The following LRRC4C variants were observed in gnomAD, a reference collection of about 807,000 sequenced individuals.
LRRC4C encodes leucine-rich repeat-containing protein 4C.
A neutral mutation model predicts 33.6 loss-of-function variants in LRRC4C; 5 were observed. The observed-to-expected ratio is 0.15, with a 90% CI of 0.08 to 0.31. LRRC4C has a LOEUF of 0.31. Among genes scored for constraint, LRRC4C ranks in the 10% least tolerant of loss-of-function variants. LRRC4C has a pLI of 1.00. For synonymous variants in LRRC4C, 329 were observed against 302.0 expected (o/e 1.09, Z -0.93); for missense variants, 560 against 796.7 (o/e 0.70, Z 3.58).
intron 1 of LRRC4C, among the ~76,000 whole-genome samples, chr11:41,424,286 G>T (rs1020772946): frequency 1.3e-5 from 2 of 151,766 alleles, no homozygotes; most frequent in African/African-American, 4.8e-5. Flanking sequence ...AAATAATCTG[G>T]GATTTTAACA....
chr11:40,921,902 A>C (rs1443335140), intron 2 of LRRC4C, among the ~76,000 whole-genome samples: 1 of 152,176 alleles, frequency 6.6e-6, no homozygotes, highest in Non-Finnish European at 1.5e-5. Flanking sequence ...GGTTCCTTAT[A>C]AACCACACTT....
At chr11:41,212,098 G>T (rs1283970937) in intron 1 of LRRC4C, among the ~76,000 whole-genome samples, 1 of 152,198 alleles carries the variant, frequency 6.6e-6, no homozygotes, top group Non-Finnish European at 1.5e-5. Context: ...GAGTGGAGGG[G>T]AATGGGGAAG....
At chr11:40,802,346 A>T (rs144380344) in intron 2 of LRRC4C, among the ~76,000 whole-genome samples, 31 of 152,246 alleles carry the variant, frequency 2.0e-4, no homozygotes, top group African/African-American at 7.2e-4. Flanking sequence ...GGTAATTTTA[A>T]AAAAAAACAA....
chr11:41,112,269 AC>A (rs1337288857), intron 1 of LRRC4C, among the ~76,000 whole-genome samples: 2 of 151,940 alleles, frequency 1.3e-5, no homozygotes, highest in Non-Finnish European at 2.9e-5. Context: ...AACAAGTAAA[AC>A]CTTTCTGGCC....
At chr11:40,610,117 G>A (rs960149948) in intron 3 of LRRC4C, among the ~76,000 whole-genome samples, 9 of 151,772 alleles carry the variant, frequency 5.9e-5, no homozygotes, top group Non-Finnish European at 1.3e-4. Flanking sequence ...ATGAATCTAT[G>A]AGAAAAAATC....
chr11:41,154,950 G>A (rs1944161618), intron 1 of LRRC4C, among the ~76,000 whole-genome samples: 1 of 152,138 alleles, frequency 6.6e-6, no homozygotes, highest in African/African-American at 2.4e-5. Context: ...GATCAGAGCA[G>A]GTGAGATATG....
chr11:41,277,701 G>A (rs976970319), intron 1 of LRRC4C, among the ~76,000 whole-genome samples: 1 of 152,072 alleles, frequency 6.6e-6, no homozygotes, highest in East Asian at 1.9e-4. Flanking sequence ...TATCTATAAT[G>A]TTACACATTC....
chr11:40,369,927 G>GA (rs966164551), intron 3 of LRRC4C, among the ~76,000 whole-genome samples: 3 of 152,086 alleles, frequency 2.0e-5, no homozygotes, highest in Non-Finnish European at 2.9e-5. Flanking sequence ...AATAGAGCAA[G>GA]AAAAAAGTGG....
chr11:40,986,057 G>T (rs112725333), intron 1 of LRRC4C, among the ~76,000 whole-genome samples: 63 of 152,058 alleles, frequency 4.1e-4, no homozygotes, highest in Non-Finnish European at 4.7e-4. Context: ...AGTAAAACTA[G>T]TGAATCTAGT....
Position 40,191,959 on chromosome 11 carries a change from C to CAAAT in LRRC4C, c.-96+49556_-96+49559dup, listed in dbSNP as rs892438996. Reference sequence around the variant, plus strand: ...TGGGTGACAGAGTGAGACCTTGTCTCAAATAAATAAATAAATAAAAGTCTA... The same window carrying CAAAT: ...TGGGTGACAGAGTGAGACCTTGTCTCAAATAAATAAATAAATAAATAAAAGTCTA... On this transcript the variant is annotated intron_variant, in intron 5 of 6. Coordinates refer to ENST00000528697, the MANE Select transcript of LRRC4C (RefSeq NM_001258419.2). Among the ~76,000 whole-genome samples the CAAAT allele has an allele frequency of 3.3e-5, 5 of 151,712 alleles. No individual in the cohort carries two copies. The South Asian group carries it at 6.3e-4, about 19-fold the overall frequency.
intron 5 of LRRC4C, among the ~76,000 whole-genome samples, chr11:40,181,263 C>T (rs1000154110): frequency 6.6e-6 from 1 of 152,068 alleles, no homozygotes; most frequent in Non-Finnish European, 1.5e-5. Context: ...CCATGCATAA[C>T]ACCACATATA....
At chr11:40,510,227 CAT>C (rs1194045646) in intron 3 of LRRC4C, among the ~76,000 whole-genome samples, 2 of 148,198 alleles carry the variant, frequency 1.3e-5, no homozygotes, top group Admixed American at 6.8e-5. Flanking sequence ...ATATATATCT[CAT>C]ATATATATAT....
In LRRC4C at chr11:41,183,390, G is replaced by A. The variant is rs192993734; in HGVS notation, c.-495-249667C>T. ...ACATACAATGGAGGTGGGGCATTGG[G>A]TAAATACAGCCACTCCAAATGGGAG... On this transcript the variant is annotated intron_variant, in intron 1 of 6. Transcript: ENST00000528697. Among the ~76,000 whole-genome samples the A allele has an allele frequency of 5.2e-3, 789 of 152,250 alleles. 1 individual carries two copies. Among genetic ancestry groups the A allele is most frequent in the Non-Finnish European group, 8.9e-3 (606 of 68,016 alleles).
intron 2 of LRRC4C, among the ~76,000 whole-genome samples, chr11:40,783,210 A>G (rs1950283463): frequency 6.6e-6 from 1 of 152,186 alleles, no homozygotes; most frequent in East Asian, 1.9e-4. Context: ...GTATGTCTAT[A>G]TAATTCAATT....
intron 3 of LRRC4C, among the ~76,000 whole-genome samples, chr11:40,612,077 A>G (rs1376877011): frequency 6.6e-6 from 1 of 151,828 alleles, no homozygotes; most frequent in African/African-American, 2.4e-5. Flanking sequence ...TCTCAAAATG[A>G]TATTTGCACT....
chr11:40,826,762 C>T (rs1049585470), intron 2 of LRRC4C, among the ~76,000 whole-genome samples: 2 of 151,876 alleles, frequency 1.3e-5, no homozygotes, highest in African/African-American at 4.8e-5. Context: ...TTCTCAGATA[C>T]TGTAAGGGAC....
At chr11:41,206,272 G>A (rs1180350598) in intron 1 of LRRC4C, among the ~76,000 whole-genome samples, 2 of 152,248 alleles carry the variant, frequency 1.3e-5, no homozygotes, top group African/African-American at 4.8e-5. Flanking sequence ...AGATTGAAAT[G>A]CCAAACTGAA....
intron 1 of LRRC4C, among the ~76,000 whole-genome samples, chr11:41,295,411 A>G (rs1194505383): frequency 2.0e-5 from 3 of 152,206 alleles, no homozygotes; most frequent in Non-Finnish European, 4.4e-5. Flanking sequence ...ACTCCTATTC[A>G]TGAAGACAAC....
At chr11:40,903,992 G>A (rs1385410846) in intron 2 of LRRC4C, among the ~76,000 whole-genome samples, 1 of 151,996 alleles carries the variant, frequency 6.6e-6, no homozygotes, top group African/African-American at 2.4e-5. Flanking sequence ...AGAAGTAACT[G>A]CAAAAATGAC....
Sources: allele counts gnomAD v4.1 joint callset (sites outside exome capture counted in the v4.1 genomes callset), GRCh38; gene constraint gnomAD v4.1.1; transcripts MANE v1.5; gene names NCBI Gene and HGNC (gene_info 2026-07-23, HGNC 2026-07-21).